Variants in POLD1 observed in about 807,000 individuals in gnomAD.
POLD1 encodes the protein DNA polymerase delta catalytic subunit.
A neutral mutation model predicts 129.7 loss-of-function variants in POLD1; 79 were observed. The observed-to-expected ratio is 0.61, with a 90% CI of 0.51 to 0.73. The LOEUF is 0.73. POLD1 is among the 30% of genes least tolerant of loss of function. The probability of loss-of-function intolerance (pLI) is 0.00; values close to 1 mark genes in which losing one functional copy is unlikely to be tolerated. For missense variants in POLD1, 1,338 were observed against 1,595.8 expected, an observed-to-expected ratio of 0.84 and a Z score of 2.75; for synonymous variants, 714 against 683.3, an observed-to-expected ratio of 1.04 and a Z score of -0.70.
intron 14 of POLD1, among the ~76,000 whole-genome samples, chr19:50,408,060 C>T (rs1187463143): frequency 6.7e-5 from 10 of 149,030 alleles, no homozygotes; most frequent in South Asian, 4.3e-4. Flanking sequence ...AGGCCAGGCA[C>T]GGTGGCTCAC....
chr19:50,390,514 C>T (rs1031425023), intron 1 of POLD1, among the ~76,000 whole-genome samples: 1 of 151,970 alleles, frequency 6.6e-6, no homozygotes, highest in Admixed American at 6.5e-5. Flanking sequence ...TTCAGCCAGT[C>T]CCTCCTTATC....
intron 17 of POLD1, 64 bp from the exon 18 acceptor site, chr19:50,413,362 G>A (rs1162933270): frequency 1.2e-5 from 16 of 1,355,220 alleles, no homozygotes; most frequent in African/African-American, 7.2e-5. Context: ...CCCCTCCCCC[G>A]CCGGCCCACG....
At chr19:50,388,825 CTTT>C (rs34487979) in intron 1 of POLD1, among the ~76,000 whole-genome samples, 3 of 88,892 alleles carry the variant, frequency 3.4e-5, no homozygotes, top group African/African-American at 4.8e-5. Context: ...GCAGTTAACT[CTTT>C]TTTTTTTTTT....
At chr19:50,384,803 AATAG>A (rs1298967141) in intron 1 of POLD1, among the ~76,000 whole-genome samples, 3 of 152,164 alleles carry the variant, frequency 2.0e-5, no homozygotes, top group Non-Finnish European at 4.4e-5. Flanking sequence ...GATGAGTTTT[AATAG>A]ATCAGTAAAG....
At chr19:50,399,541 G>A (rs543443634) in intron 3 of POLD1, 57 bp downstream of exon 3, 35 of 1,342,642 alleles carry the variant, frequency 2.6e-5, no homozygotes, top group African/African-American at 2.2e-4. Context: ...GGCAGAGGCC[G>A]GGCCAGGTCA....
In POLD1 at chr19:50,408,832, C is replaced by T. The variant is rs2122367696; in HGVS notation, c.1823C>T (p.Pro608Leu). 1 of 1,614,058 alleles carries T rather than the reference C, an allele frequency of 6.2e-7. No individual in the cohort carries two copies. Among genetic ancestry groups the T allele is most frequent in the Non-Finnish European group, 8.5e-7 (1 of 1,180,010 alleles). Residue 608 changes from proline to leucine, a missense_variant, in exon 15 of 27, where the codon CCG (proline) becomes CTG (leucine). Transcript: ENST00000440232. ...ACCCTGGACTTCTCCTCGCTGTACCCGTCCATCATGATGGCCCACAACCTG... is the reference window on the plus strand; with the variant it reads ...ACCCTGGACTTCTCCTCGCTGTACCTGTCCATCATGATGGCCCACAACCTG... Reference protein sequence around the residue: ...IATLDFSSLYPSIMMAHNLCY... With the variant: ...IATLDFSSLYLSIMMAHNLCY...
chr19:50,396,439 T>C (rs1380260060), intron 1 of POLD1, among the ~76,000 whole-genome samples: 1 of 148,620 alleles, frequency 6.7e-6, no homozygotes, highest in Non-Finnish European at 1.5e-5. Flanking sequence ...TTGTCAAGGA[T>C]ATTGTATATC....
chr19:50,401,391 A>ATTTTT (rs1203165864), intron 3 of POLD1, among the ~76,000 whole-genome samples: 31 of 65,958 alleles, frequency 4.7e-4, no homozygotes, highest in South Asian at 1.2e-3. Context: ...ATATATATAT[A>ATTTTT]TTTTTTTTTT....
Position 50,409,266 on chromosome 19 carries a change from C to T in POLD1, c.2006+31C>T, listed in dbSNP as rs759974823. 1 of 1,494,242 alleles carries T rather than the reference C, an allele frequency of 6.7e-7. No individual in the cohort carries two copies. Among genetic ancestry groups the T allele is most frequent in the South Asian group, 1.1e-5 (1 of 88,252 alleles). The allele number at this position is 1,494,242 out of a possible 1,614,324, so 92.6% of individuals were successfully genotyped here. A position where few individuals can be genotyped will look rare whatever the true frequency, so the allele number is the denominator to read the frequency against. ...CCCTGGAGATCGCCTGCTTGGAGCTCAGACCTGTTGGGGCCTCTGGGCAAT... is the reference window on the plus strand; with the variant it reads ...CCCTGGAGATCGCCTGCTTGGAGCTTAGACCTGTTGGGGCCTCTGGGCAAT... On this transcript the variant is annotated intron_variant, in intron 16 of 26. Coordinates refer to ENST00000440232, the MANE Select transcript of POLD1 (RefSeq NM_002691.4). This position sits in a 1 kb window ranked among gnomAD's most constrained non-coding sequence, Gnocchi z 5.8.
chr19:50,385,264 G>A (rs1364367229), intron 1 of POLD1, among the ~76,000 whole-genome samples: 4 of 152,160 alleles, frequency 2.6e-5, no homozygotes, highest in Non-Finnish European at 4.4e-5. Context: ...GGTTACCTTT[G>A]CGGGCGGAGA....
rs1374129343 is a variant in POLD1, at chr19:50,403,488, C to A, written c.1138-5C>A. 3 of 1,610,040 alleles carry A rather than the reference C, an allele frequency of 1.9e-6. No individual in the cohort carries two copies. Among genetic ancestry groups the A allele is most frequent in the Non-Finnish European group, 2.6e-6 (3 of 1,176,266 alleles). On this transcript the variant is annotated splice_region_variant and splice_polypyrimidine_tract_variant and intron_variant, in intron 9 of 26. Transcript: ENST00000440232. The stretch of plus-strand genomic sequence containing the variant: ...CAGGGTGACCCAATGTGCTCCCACC[C>A]CCAGGCCTGGTCCACCTTCATCCGT...
Position 50,415,542 on chromosome 19 carries a change from C to T in POLD1, c.2669C>T (p.Ala890Val), listed in dbSNP as rs146344351. ...GTCATCACCAAGGAGCTGACCCGCGCGGCCTCCGACTATGCCGGCAAGCAG... is the reference window on the plus strand; with the variant it reads ...GTCATCACCAAGGAGCTGACCCGCGTGGCCTCCGACTATGCCGGCAAGCAG... ...QLVITKELTR[A>V]ASDYAGKQAH... The change falls in exon 21 of 27, where the codon GCG becomes GTG. Residue 890 changes from alanine to valine, a missense_variant. By Grantham distance (64) the Ala-to-Val change is moderately conservative. Transcript: ENST00000440232. The T allele has an allele frequency of 5.0e-5, 81 of 1,612,930 alleles. No homozygotes were observed. Among genetic ancestry groups the T allele is most frequent in the African/African-American group, 3.3e-4 (25 of 75,056 alleles).
intron 3 of POLD1, among the ~76,000 whole-genome samples, chr19:50,401,391 A>ATATTTTTT (rs1334231607): frequency 1.5e-5 from 1 of 65,990 alleles, no homozygotes; most frequent in Non-Finnish European, 2.6e-5. Flanking sequence ...ATATATATAT[A>ATATTTTTT]TTTTTTTTTT....
chr19:50,406,916 T>G lies in POLD1; in HGVS notation c.1495-67T>G. Reference sequence around the variant, plus strand: ...CAGGCTACCTCACCCTGACCCCCACTTCCTTCTCCTGCTCCACCTCCCACC... The same window carrying G: ...CAGGCTACCTCACCCTGACCCCCACGTCCTTCTCCTGCTCCACCTCCCACC... On this transcript the variant is annotated intron_variant, in intron 12 of 26. Coordinates refer to ENST00000440232, the MANE Select transcript of POLD1 (RefSeq NM_002691.4). This position sits in a 1 kb window ranked among gnomAD's most constrained non-coding sequence, Gnocchi z 5.5. The G allele has an allele frequency of 1.8e-5, 22 of 1,245,460 alleles. No individual in the cohort carries two copies. Among genetic ancestry groups the G allele is most frequent in the East Asian group, 2.6e-5 (1 of 38,358 alleles). 77.2% of individuals were successfully genotyped at this position (1,245,460 alleles called of 1,614,324 possible).
intron 24 of POLD1, 146 bp downstream of exon 24, chr19:50,416,869 C>A: frequency 1.1e-6 from 1 of 949,050 alleles, no homozygotes; most frequent in Non-Finnish European, 1.5e-6. Flanking sequence ...CCACCCCCCA[C>A]AGAGGGTCCT....
At position 50,416,281 on chromosome 19, in the gene POLD1, C is replaced by CA. The variant is rs374180345; in HGVS notation, c.2821-114dup. 2.3e-4 allele frequency: 253 copies of CA among 1,099,564 alleles called. 1 individual carries two copies. Among genetic ancestry groups the CA allele is most frequent in the Non-Finnish European group, 3.2e-4 (244 of 773,174 alleles). The allele number at this position is 1,099,564 out of a possible 1,614,324, so 68.1% of individuals were successfully genotyped here. The stretch of plus-strand genomic sequence containing the variant: ...CCCCATCCCAGACCCAGGCCCCCCC[C>CA]ATGTCACAGCCCGCAGGCAGGCCTA... On this transcript the variant is annotated intron_variant, in intron 22 of 26. Coordinates refer to ENST00000440232, the MANE Select transcript of POLD1 (RefSeq NM_002691.4).
intron 26 of POLD1, 72 bp downstream of exon 26, chr19:50,417,341 A>G (rs1601250754): frequency 4.0e-6 from 4 of 1,010,862 alleles, no homozygotes; most frequent in Non-Finnish European, 5.9e-6. Context: ...TGTGGACCCA[A>G]CCTCTGACTC....
intron 1 of POLD1, chr19:50,395,229 C>T (rs563025393): frequency 3.4e-5 from 4 of 118,550 alleles, no homozygotes; most frequent in Non-Finnish European, 5.0e-5. Flanking sequence ...AGGCCGGGCG[C>T]GGTGGCTGGG....
chr19:50,416,582 G>T, intron 23 of POLD1, 28 bp from the exon 24 acceptor site: 1 of 1,547,748 alleles, frequency 6.5e-7, no homozygotes. Context: ...GGAGATCACC[G>T]GCCCACCACC....
Sources: allele counts gnomAD v4.1 joint callset (sites outside exome capture counted in the v4.1 genomes callset), GRCh38; gene constraint gnomAD v4.1.1; non-coding constraint Gnocchi (gnomAD v3.1); transcripts MANE v1.5; gene names NCBI Gene and HGNC (gene_info 2026-07-23, HGNC 2026-07-21).